Variants in EFHC1 observed in about 807,000 individuals in gnomAD.
EFHC1 encodes the protein EF-hand domain containing 1, also known as EF-hand domain-containing protein 1.
EFHC1 carries 53 observed loss-of-function variants against 69.9 expected under a neutral mutation model. The ratio of observed to expected loss-of-function variants is 0.76; its 90% CI spans 0.61 to 0.95. The LOEUF is 0.95. EFHC1 is among the 40% of genes least tolerant of loss of function. The pLI is 0.00. For missense variants in EFHC1, 739 were observed against 798.7 expected, an observed-to-expected ratio of 0.93 and a Z score of 0.90; for synonymous variants, 256 against 278.4, an observed-to-expected ratio of 0.92 and a Z score of 0.80.
At chr6:52,486,023 C>T (rs537771848) in intron 9 of EFHC1, 2 of 152,294 alleles carry the variant, frequency 1.3e-5, no homozygotes, top group Admixed American at 6.5e-5. Flanking sequence ...ACTGTCGCAT[C>T]TTCTGTGCCT....
At chr6:52,443,514 A>G (rs1454828203) in intron 3 of EFHC1, among the ~76,000 whole-genome samples, 1 of 152,176 alleles carries the variant, frequency 6.6e-6, no homozygotes, top group Non-Finnish European at 1.5e-5. Context: ...ATGGCTAGCC[A>G]GTTTTCCCAG....
chr6:52,474,107 G>A (rs1434804374), intron 7 of EFHC1, among the ~76,000 whole-genome samples: 1 of 152,136 alleles, frequency 6.6e-6, no homozygotes, highest in African/African-American at 2.4e-5. Flanking sequence ...AAGATCACTT[G>A]AACCCTATGT....
rs151126903 is a variant in EFHC1 at position 52,454,213 on chromosome 6, G to A, written c.842G>A (p.Arg281Gln). 8 of 1,614,130 alleles carry A rather than the reference G, an allele frequency of 5.0e-6. No individual in the cohort carries two copies. The highest frequency in any genetic ancestry group is 1.3e-5 in the African/African-American group (1 of 75,018). Reference sequence around the variant, plus strand: ...GTGGAAATTCGAGAGGTCCACGAACGGAATGATGGGAGAGATCCTTTCCCA... The same window carrying A: ...GTGGAAATTCGAGAGGTCCACGAACAGAATGATGGGAGAGATCCTTTCCCA... ...DTVEIREVHE[R>Q]NDGRDPFPLL... is the part of the protein sequence containing the mutation. The change falls in exon 5 of 11, where the codon CGG (arginine) becomes CAG (glutamine). Residue 281 changes from arginine (R) to glutamine (Q), a missense_variant. Transcript: ENST00000371068.
At chr6:52,449,548 T>C (rs1764869917) in intron 3 of EFHC1, among the ~76,000 whole-genome samples, 1 of 152,174 alleles carries the variant, frequency 6.6e-6, no homozygotes, top group African/African-American at 2.4e-5. Flanking sequence ...CCTAGTTCAG[T>C]CTTGGGTGAG....
Position 52,495,656 on chromosome 6 carries a change from A to G in EFHC1, c.*3315A>G, listed in dbSNP as rs1301866798. ...CAGACTGGAATGCGGTGGTGTGACCATAGCTCACTGCAGCCTCAAACTCCT... is the reference window on the plus strand; with the variant it reads ...CAGACTGGAATGCGGTGGTGTGACCGTAGCTCACTGCAGCCTCAAACTCCT... On this transcript the variant is annotated 3_prime_UTR_variant, in exon 11 of 11. Transcript: ENST00000371068. 6.7e-6 allele frequency: 3 copies of G among 447,238 alleles called. No individual in the cohort carries two copies. Among genetic ancestry groups the G allele is most frequent in the Non-Finnish European group, 1.4e-5 (3 of 222,172 alleles). The allele number at this position is 447,238 out of a possible 1,614,324, so 27.7% of individuals were successfully genotyped here.
At chr6:52,461,136 G>A (rs1015647728) in intron 5 of EFHC1, among the ~76,000 whole-genome samples, 3 of 152,082 alleles carry the variant, frequency 2.0e-5, no homozygotes, top group Non-Finnish European at 2.9e-5. Context: ...GTGAGCTTGT[G>A]TCATGCAGGT....
At chr6:52,453,694 T>C (rs1438754526) in intron 4 of EFHC1, 1 of 1,252,084 alleles carries the variant, frequency 8.0e-7, no homozygotes, top group Non-Finnish European at 1.0e-6. Flanking sequence ...AAAAAAAGAC[T>C]GGTTAATAAA....
rs759767484 is a variant in EFHC1 at position 52,479,786 on chromosome 6, A to G, written c.1639A>G (p.Ser547Gly). ...AGAAGCGCCTGCTCCAGAAGCAGAA[A>G]GGTGTGTGTTTGATTGCTAGGGTTT... ...KREAPAPEAE[S>G]KQTEKDPGVQ... Residue 547 changes from serine (S) to glycine (G), a missense_variant and splice_region_variant, in exon 9 of 11, where the codon AGC (serine) becomes GGC (glycine). Ser to Gly is a moderately conservative substitution (Grantham distance 56). Transcript: ENST00000371068. 3.4e-5 allele frequency: 55 copies of G among 1,613,950 alleles called. No homozygotes were observed. The highest frequency in any genetic ancestry group is 3.3e-4 in the Middle Eastern group (2 of 6,082).
At chr6:52,451,237 G>T (rs1323645825) in intron 3 of EFHC1, among the ~76,000 whole-genome samples, 1 of 152,156 alleles carries the variant, frequency 6.6e-6, no homozygotes, top group Non-Finnish European at 1.5e-5. Flanking sequence ...AGTGTCACTG[G>T]TCTGTGTACT....
At chr6:52,467,105 T>C (rs1055023009) in intron 6 of EFHC1, among the ~76,000 whole-genome samples, 4 of 152,028 alleles carry the variant, frequency 2.6e-5, no homozygotes, top group African/African-American at 9.7e-5. Flanking sequence ...TAGATAAGGA[T>C]GGTTATCTAA....
chr6:52,447,321 A>G (rs1432452727), intron 3 of EFHC1, among the ~76,000 whole-genome samples: 1 of 152,092 alleles, frequency 6.6e-6, no homozygotes, highest in African/African-American at 2.4e-5. Context: ...TTGATCTTCA[A>G]TCACTGATAC....
intron 6 of EFHC1, 122 bp from the exon 7 acceptor site, chr6:52,469,211 A>G: frequency 7.9e-7 from 1 of 1,270,126 alleles, no homozygotes; most frequent in African/African-American, 1.5e-5. Context: ...ATATTTGTTT[A>G]TGTAGAAAAT....
intron 2 of EFHC1, chr6:52,430,085 T>C (rs1203381701): frequency 6.6e-6 from 1 of 152,224 alleles, no homozygotes; most frequent in Non-Finnish European, 1.5e-5. Flanking sequence ...GCTGAATTCT[T>C]TTATCAGTTC....
rs201543041 is a variant in EFHC1 at position 52,454,251 on chromosome 6, C to T, written c.880C>T (p.Arg294Cys). The T allele has an allele frequency of 4.1e-5, 66 of 1,613,978 alleles. No homozygotes were observed. Among genetic ancestry groups the T allele is most frequent in the Admixed American group, 5.0e-5 (3 of 59,996 alleles). ...AGATCCTTTCCCACTCCTAATGAAC[C>T]GCCAGCGTGTGCCCAAAGTTTTGGT... ...GRDPFPLLMN[R>C]QRVPKVLVEN... is the part of the protein sequence containing the mutation. The change falls in exon 5 of 11, where the codon CGC becomes TGC. Residue 294 changes from arginine to cysteine, a missense_variant. Coordinates refer to ENST00000371068, the MANE Select transcript of EFHC1 (RefSeq NM_018100.4).
intron 4 of EFHC1, chr6:52,453,079 A>G: frequency 6.7e-7 from 1 of 1,481,824 alleles, no homozygotes; most frequent in Admixed American, 2.0e-5. Flanking sequence ...GAACCTCACC[A>G]AACATTTAAA....
chr6:52,455,486 C>G (rs1765024467), intron 5 of EFHC1, among the ~76,000 whole-genome samples: 1 of 152,010 alleles, frequency 6.6e-6, no homozygotes, highest in Non-Finnish European at 1.5e-5. Flanking sequence ...AACCCCATCT[C>G]TACTAAAAAT....
rs1764986574 is a variant in EFHC1, at chr6:52,454,172, T to A, written c.801T>A (p.Tyr267Ter). Residue 267 changes from tyrosine to a stop codon, truncating the protein, a stop_gained, in exon 5 of 11, where the codon TAT (tyrosine) becomes TAA (stop). Transcript: ENST00000371068. LOFTEE classifies it high-confidence loss of function. Reference protein sequence around the residue: ...GECRTYIIHYYLMDDTVEIRE... With the variant: ...GECRTYIIHY ...GTCGGACCTACATCATTCATTACTATCTTATGGATGATACGGTGGAAATTC... is the reference window on the plus strand; with the variant it reads ...GTCGGACCTACATCATTCATTACTAACTTATGGATGATACGGTGGAAATTC... The A allele has an allele frequency of 6.2e-7, 1 of 1,614,146 alleles. No individual in the cohort carries two copies. Among genetic ancestry groups the A allele is most frequent in the Non-Finnish European group, 8.5e-7 (1 of 1,180,016 alleles).
intron 7 of EFHC1, among the ~76,000 whole-genome samples, chr6:52,470,150 G>T (rs531840629): frequency 6.6e-6 from 1 of 152,236 alleles, no homozygotes; most frequent in South Asian, 2.1e-4. Context: ...GGAGGTGTCA[G>T]GTGACTTTTC....
rs144593045 is a variant in EFHC1 at position 52,462,761 on chromosome 6, A to G, written c.917-2134A>G. Among the ~76,000 whole-genome samples, 843 of 151,690 alleles carry G rather than the reference A, an allele frequency of 5.6e-3. 8 individuals carry two copies. Among genetic ancestry groups the G allele is most frequent in the African/African-American group, 0.019 (794 of 41,400 alleles). On this transcript the variant is annotated intron_variant, in intron 5 of 10. Transcript: ENST00000371068. The stretch of plus-strand genomic sequence containing the variant: ...AAATTAGCCCAGCATGGTGGCACGC[A>G]CCTGTAGTCCTAGCTACTTAGGAGG...
Sources: allele counts gnomAD v4.1 joint callset (sites outside exome capture counted in the v4.1 genomes callset), GRCh38; gene constraint gnomAD v4.1.1; transcripts MANE v1.5; gene names NCBI Gene and HGNC (gene_info 2026-07-23, HGNC 2026-07-21).